NUB1: variants seen among roughly 807,000 people sequenced by gnomAD.
The protein encoded by NUB1 is NEDD8 ultimate buster 1.
Under a neutral mutation model 77.1 loss-of-function variants are expected in NUB1, and 41 were observed. That is an observed-to-expected ratio of 0.53 (90% CI 0.41 to 0.69). NUB1 has a LOEUF of 0.69. NUB1 is among the 30% of genes least tolerant of loss of function. The pLI is 0.00. For missense variants in NUB1, 643 were observed against 743.8 expected (o/e 0.86, Z 1.58); for synonymous variants, 257 against 281.0 (o/e 0.91, Z 0.85).
At chr7:151,367,799 G>T in intron 9 of NUB1, 62 bp from the exon 10 acceptor site, 1 of 1,032,994 alleles carries the variant, frequency 9.7e-7, no homozygotes. Flanking sequence ...ACAGAGATGA[G>T]TATTATAGAC....
intron 10 of NUB1, among the ~76,000 whole-genome samples, chr7:151,368,327 A>C (rs755942732): frequency 6.6e-6 from 1 of 152,228 alleles, no homozygotes; most frequent in Non-Finnish European, 1.5e-5. Context: ...AGTCCAGAGC[A>C]GGCCACTGGA....
chr7:151,355,024 G>A (rs1372549356), intron 5 of NUB1, among the ~76,000 whole-genome samples: 2 of 152,096 alleles, frequency 1.3e-5, no homozygotes, highest in African/African-American at 4.8e-5. Context: ...GATTACAGGT[G>A]TGAACCACCA....
At chr7:151,366,436 T>G (rs1208848685) in intron 8 of NUB1, among the ~76,000 whole-genome samples, 3 of 152,092 alleles carry the variant, frequency 2.0e-5, no homozygotes, top group Non-Finnish European at 4.4e-5. Flanking sequence ...TAGAATCAGC[T>G]GGGGAGACTC....
At position 151,377,956 on chromosome 7, in the gene NUB1, ATTTATT is replaced by A. The variant is rs1798380670; in HGVS notation, c.*736_*741del. Reference sequence around the variant, plus strand: ...AAAGGTTTAAATGCTAACCAAAGCAATTTATTTTTAATTAATATTTTTAGACTCTGT... The same window carrying A: ...AAAGGTTTAAATGCTAACCAAAGCAATTTAATTAATATTTTTAGACTCTGT... On this transcript the variant is annotated 3_prime_UTR_variant, in exon 15 of 15. Transcript: ENST00000568733. 6.6e-6 allele frequency: 1 copy of A among 152,224 alleles called. No homozygotes were observed. The highest frequency in any genetic ancestry group is 1.5e-5 in the Non-Finnish European group (1 of 68,046). The allele number at this position is 152,224 out of a possible 1,614,324, so 9.4% of individuals were successfully genotyped here.
intron 7 of NUB1, among the ~76,000 whole-genome samples, chr7:151,358,878 C>G (rs2150684825): frequency 6.6e-6 from 1 of 151,146 alleles, no homozygotes; most frequent in South Asian, 2.1e-4. Context: ...TCCTGGCTAA[C>G]ACAATGAAAC....
chr7:151,377,266 C>T lies in NUB1; in HGVS notation c.*41C>T. On this transcript the variant is annotated 3_prime_UTR_variant, in exon 15 of 15. Transcript: ENST00000568733. Reference sequence around the variant, plus strand: ...AGCGCTAATTTTCTGCTTATAAATGCTATCATTATGAAAAGGCTAATGCAG... The same window carrying T: ...AGCGCTAATTTTCTGCTTATAAATGTTATCATTATGAAAAGGCTAATGCAG... 1.5e-6 allele frequency: 2 copies of T among 1,339,964 alleles called. No homozygotes were observed. Among genetic ancestry groups the T allele is most frequent in the South Asian group, 1.5e-5 (1 of 67,024 alleles). 83.0% of individuals were successfully genotyped at this position (1,339,964 alleles called of 1,614,324 possible). A position where few individuals can be genotyped will look rare whatever the true frequency, so the allele number is the denominator to read the frequency against.
intron 5 of NUB1, among the ~76,000 whole-genome samples, chr7:151,353,368 A>G (rs1344831207): frequency 6.6e-6 from 1 of 152,146 alleles, no homozygotes; most frequent in Non-Finnish European, 1.5e-5. Context: ...CAGAGGCCAC[A>G]CTGTGAATTC....
chr7:151,368,087 C>T, intron 10 of NUB1, 119 bp downstream of exon 10: 1 of 625,144 alleles, frequency 1.6e-6, no homozygotes, highest in Non-Finnish European at 2.8e-6. Context: ...TTTCTCCGTG[C>T]ACAGGAGATG....
intron 13 of NUB1, 199 bp downstream of exon 13, chr7:151,376,142 A>G (rs1798223472): frequency 1.8e-6 from 1 of 549,344 alleles, no homozygotes; most frequent in African/African-American, 1.9e-5. Flanking sequence ...AAAGCAGGAA[A>G]ACTGGGGAAG....
rs1798283538 is a variant in NUB1 at position 151,376,631 on chromosome 7, T to C, written c.1492-3T>C. On this transcript the variant is annotated splice_region_variant and splice_polypyrimidine_tract_variant and intron_variant, in intron 13 of 14. Transcript: ENST00000568733. ...ATGCTGTGACCCCTGCGCTCTCCCC[T>C]AGTTGGTGTACATGGGTTTTGATGC... is the stretch of plus-strand genomic sequence containing the variant. 6.2e-7 allele frequency: 1 copy of C among 1,607,794 alleles called. No homozygotes were observed. Among genetic ancestry groups the C allele is most frequent in the Non-Finnish European group, 8.5e-7 (1 of 1,177,002 alleles).
intron 2 of NUB1, among the ~76,000 whole-genome samples, chr7:151,348,242 C>CT (rs1049595908): frequency 1.2e-4 from 18 of 151,926 alleles, no homozygotes; most frequent in Admixed American, 1.3e-4. Flanking sequence ...TTTCAATCTT[C>CT]TTTTTTTTCT....
At chr7:151,371,700 A>G (rs1020066769) in intron 11 of NUB1, among the ~76,000 whole-genome samples, 1 of 152,188 alleles carries the variant, frequency 6.6e-6, no homozygotes, top group Admixed American at 6.5e-5. Context: ...CGGAGTTCCA[A>G]CGTTCTAGGT....
At chr7:151,374,060 C>G in intron 11 of NUB1, 37 bp from the exon 12 acceptor site, 1 of 1,531,554 alleles carries the variant, frequency 6.5e-7, no homozygotes, top group South Asian at 1.2e-5. Flanking sequence ...AAATCTCAGT[C>G]CCTAACTTGG....
chr7:151,342,278 C>T (rs986191340), intron 1 of NUB1, among the ~76,000 whole-genome samples: 2 of 152,170 alleles, frequency 1.3e-5, no homozygotes, highest in African/African-American at 4.8e-5. Context: ...CGAACCTTGA[C>T]GACCTGATTC....
At chr7:151,373,721 C>T (rs1798065372) in intron 11 of NUB1, among the ~76,000 whole-genome samples, 1 of 152,246 alleles carries the variant, frequency 6.6e-6, no homozygotes, top group African/African-American at 2.4e-5. Context: ...AGCTCTCCTA[C>T]CCGGTTCCTA....
At chr7:151,367,276 T>C (rs973019260) in intron 9 of NUB1, among the ~76,000 whole-genome samples, 151 bp downstream of exon 9, 18 of 152,258 alleles carry the variant, frequency 1.2e-4, no homozygotes, top group African/African-American at 4.1e-4. Flanking sequence ...ATTTATAAAG[T>C]GTTCAATGTT....
chr7:151,344,633 G>GC, intron 1 of NUB1, among the ~76,000 whole-genome samples: 1 of 151,734 alleles, frequency 6.6e-6, no homozygotes, highest in Non-Finnish European at 1.5e-5. Context: ...ATTTATTATC[G>GC]ATAGTTTACA....
At chr7:151,350,916 A>C (rs1373936581) in intron 3 of NUB1, among the ~76,000 whole-genome samples, 1 of 152,224 alleles carries the variant, frequency 6.6e-6, no homozygotes, top group Admixed American at 6.5e-5. Flanking sequence ...ACTGTTCACA[A>C]TGCAAAGGAA....
chr7:151,368,777 G>A lies in NUB1; in HGVS notation c.1138G>A (p.Val380Met), dbSNP rs1226881551. The change falls in exon 11 of 15, where the codon GTG (valine) becomes ATG (methionine). Residue 380 changes from valine to methionine, a missense_variant. By Grantham distance (21) the Val-to-Met change is conservative. Transcript: ENST00000568733. ...FKELYIDPSK[V>M]DNLLQLGFTA... is the part of the protein sequence containing the mutation. Reference sequence around the variant, plus strand: ...AGAGCTATATATTGATCCATCAAAAGTGGACAATTTGTTGCAGTTGGGGTT... The same window carrying A: ...AGAGCTATATATTGATCCATCAAAAATGGACAATTTGTTGCAGTTGGGGTT... The A allele has an allele frequency of 1.9e-6, 3 of 1,613,890 alleles. No homozygotes were observed.
Sources: gnomAD v4.1 joint callset for allele counts (sites outside exome capture counted in the v4.1 genomes callset) on GRCh38, gnomAD v4.1.1 for gene constraint, MANE v1.5 for transcripts, NCBI Gene and HGNC (gene_info 2026-07-23, HGNC 2026-07-21) for gene names.